ANK2: variants seen among roughly 807,000 people sequenced by gnomAD.
ANK2 encodes ankyrin-2.
ANK2 carries 83 observed loss-of-function variants against 360.5 expected under a neutral mutation model. The observed-to-expected ratio is 0.23, with a 90% CI of 0.19 to 0.28. The LOEUF (loss-of-function observed/expected upper bound fraction) is 0.28. Among genes scored for constraint, ANK2 ranks in the 10% least tolerant of loss-of-function variants. The probability of loss-of-function intolerance (pLI) is 1.00; values close to 1 mark genes in which losing one functional copy is unlikely to be tolerated. For synonymous variants in ANK2, 1,740 were observed against 1,759.5 expected (o/e 0.99, Z 0.28); for missense variants, 4,201 against 4,795.7 (o/e 0.88, Z 3.66).
chr4:112,960,441 A>G (rs1428930412), intron 2 of ANK2, among the ~76,000 whole-genome samples: 2 of 152,118 alleles, frequency 1.3e-5, no homozygotes, highest in Non-Finnish European at 1.5e-5. Flanking sequence ...ACGCATATAA[A>G]AAGTTTCTAT....
Position 112,957,007 on chromosome 4 carries a change from G to GTTTTT in ANK2, c.21+52514_21+52518dup, listed in dbSNP as rs56066718. On this transcript the variant is annotated intron_variant, in intron 2 of 30. Coordinates refer to the ANK2 transcript ENST00000503271. ...CTAAATTATCTGCACTATTGCTCTT[G>GTTTTT]TTTTTTTTTTTTTTTTTTTTTTTTT... is the stretch of plus-strand genomic sequence containing the variant. Among the ~76,000 whole-genome samples, 388 of 66,286 alleles carry GTTTTT rather than the reference G, an allele frequency of 5.9e-3. 1 individual carries two copies. The highest frequency in any genetic ancestry group is 0.015 in the Middle Eastern group (1 of 68). The allele number at this position is 66,286 out of a possible 152,430, so 43.5% of individuals were successfully genotyped here.
rs149345869 is a variant in ANK2, at chr4:113,135,258, G to C, written c.85-39158G>C. ...CTATGAAAAATAAAGAAAAACTGTG[G>C]AGAGAGGAGCAGCAAGTGAGTGTCA... On this transcript the variant is annotated intron_variant, in intron 1 of 45. Transcript: ENST00000357077. 2.9e-3 allele frequency among the ~76,000 whole-genome samples: 448 copies of C among 152,328 alleles called. 3 individuals carry two copies. The highest frequency in any genetic ancestry group is 9.9e-3 in the African/African-American group (410 of 41,578).
the ANK2 span, among the ~76,000 whole-genome samples, chr4:112,743,554 CT>C: frequency 1.4e-3 from 148 of 105,882 alleles, no homozygotes; most frequent in Middle Eastern, 5.4e-3. Flanking sequence ...CTTTTCTATC[CT>C]TTTTTTTTTT....
At chr4:112,993,389 A>G (rs187088147) in intron 2 of ANK2, among the ~76,000 whole-genome samples, 4,030 of 149,004 alleles carry the variant, frequency 0.027, 72 homozygotes, top group Middle Eastern at 0.047. Context: ...TGCAACCTCC[A>G]CCTCCCAGGT....
the ANK2 span, among the ~76,000 whole-genome samples, chr4:112,749,604 A>G: frequency 6.6e-6 from 1 of 152,202 alleles, no homozygotes; most frequent in Admixed American, 6.5e-5. Context: ...TGGATTGAGA[A>G]CAGTCACAGC....
chr4:113,357,146 G>A lies in ANK2; in HGVS notation c.8528G>A (p.Ser2843Asn), dbSNP rs2095839641. 1.2e-6 allele frequency: 2 copies of A among 1,614,016 alleles called. No individual in the cohort carries two copies. Among genetic ancestry groups the A allele is most frequent in the South Asian group, 1.1e-5 (1 of 91,092 alleles). The change falls in exon 38 of 46, where the codon AGC becomes AAC. Residue 2843 changes from serine (S) to asparagine (N), a missense_variant. Physicochemically the swap from Ser to Asn is conservative, Grantham distance 46. Transcript: ENST00000357077. ...ESPQADCPSE[S>N]FSSSSSLPHC... ...CCACAAGCAGATTGCCCCAGTGAAAGCTTTTCATCTTCATCCTCTTTGCCT... is the reference window on the plus strand; with the variant it reads ...CCACAAGCAGATTGCCCCAGTGAAAACTTTTCATCTTCATCCTCTTTGCCT...
intron 4 of ANK2, among the ~76,000 whole-genome samples, chr4:113,210,493 T>C (rs2099008972): frequency 6.6e-6 from 1 of 152,186 alleles, no homozygotes; most frequent in African/African-American, 2.4e-5. Context: ...GCATTTGATT[T>C]AAACCTGGAC....
intron 1 of ANK2, among the ~76,000 whole-genome samples, chr4:113,056,310 A>T (rs765142499): frequency 6.6e-6 from 1 of 152,066 alleles, no homozygotes; most frequent in East Asian, 1.9e-4. Flanking sequence ...TTTTCCATAC[A>T]CTCTTTTCTG....
chr4:112,874,325 C>T (rs140187343), intron 1 of ANK2, among the ~76,000 whole-genome samples: 9 of 149,426 alleles, frequency 6.0e-5, no homozygotes, highest in Non-Finnish European at 1.3e-4. Flanking sequence ...TCAGGTAATC[C>T]GATCGCCTCA....
At chr4:112,903,519 G>A (rs1314280084) in intron 1 of ANK2, among the ~76,000 whole-genome samples, 2 of 152,154 alleles carry the variant, frequency 1.3e-5, no homozygotes, top group African/African-American at 4.8e-5. Flanking sequence ...GGCTGTTAAA[G>A]TTCCAATATG....
chr4:112,932,448 C>T (rs975202889), intron 2 of ANK2, among the ~76,000 whole-genome samples: 1 of 147,706 alleles, frequency 6.8e-6, no homozygotes, highest in Admixed American at 6.8e-5. Flanking sequence ...GTTGAGATAG[C>T]GCCACTACAC....
At chr4:113,042,084 T>C (rs1219188745) in intron 2 of ANK2, among the ~76,000 whole-genome samples, 1 of 152,178 alleles carries the variant, frequency 6.6e-6, no homozygotes, top group African/African-American at 2.4e-5. Context: ...ATCAGTCAAC[T>C]GAGTAAAGAA....
chr4:112,937,657 C>T (rs1264891476), intron 2 of ANK2, among the ~76,000 whole-genome samples: 7 of 152,118 alleles, frequency 4.6e-5, no homozygotes, highest in African/African-American at 7.2e-5. Context: ...GGACATTTTT[C>T]GGTCTGATTA....
intron 2 of ANK2, among the ~76,000 whole-genome samples, chr4:113,189,564 T>C (rs2153348534): frequency 6.6e-6 from 1 of 152,358 alleles, no homozygotes; most frequent in Non-Finnish European, 1.5e-5. Context: ...TTGAAAACTC[T>C]GTATCATGTT....
chr4:113,092,923 CA>C (rs2089245319), intron 1 of ANK2, among the ~76,000 whole-genome samples: 1 of 151,962 alleles, frequency 6.6e-6, no homozygotes. Flanking sequence ...TTTTAAAAAT[CA>C]AAAAATTAGA....
chr4:112,738,851 TG>T, the ANK2 span: 10 of 646,452 alleles, frequency 1.5e-5, no homozygotes, highest in South Asian at 1.4e-4. Context: ...ACATTGGTTA[TG>T]GGAGCAACAA....
At chr4:112,733,161 A>G in the ANK2 span, among the ~76,000 whole-genome samples, 1 of 152,164 alleles carries the variant, frequency 6.6e-6, no homozygotes, top group Non-Finnish European at 1.5e-5. Context: ...GGTTGCAGTG[A>G]GCCAAGATCC....
chr4:113,034,044 G>A (rs575255649), intron 2 of ANK2: 2 of 151,884 alleles, frequency 1.3e-5, no homozygotes, highest in African/African-American at 2.4e-5. Flanking sequence ...AGAATAGAAT[G>A]AGTAATTTGC....
chr4:113,151,464 G>C (rs759860224), intron 1 of ANK2, among the ~76,000 whole-genome samples: 6 of 152,078 alleles, frequency 3.9e-5, no homozygotes, highest in Non-Finnish European at 7.4e-5. Flanking sequence ...TCTTGTTAAT[G>C]ATCAGCCATC....
Sources: gnomAD v4.1 joint callset for allele counts (sites outside exome capture counted in the v4.1 genomes callset) on GRCh38, gnomAD v4.1.1 for gene constraint, MANE v1.5 for transcripts, NCBI Gene and HGNC (gene_info 2026-07-23, HGNC 2026-07-21) for gene names.